Variants in PVT1 observed in about 807,000 individuals in gnomAD.
The protein encoded by PVT1 is Pvt1 oncogene, also known as CXCR4/PVT1 fusion.
chr8:127,975,799 A>C (rs13274301), intron 3 of PVT1, among the ~76,000 whole-genome samples: 23,652 of 152,168 alleles, frequency 0.16, 2,360 homozygotes, highest in African/African-American at 0.27. Context: ...TAGCTTGAAA[A>C]ACGAAGAGAA....
At chr8:127,847,744 T>TAA (rs950574340) in intron 2 of PVT1, among the ~76,000 whole-genome samples, 1 of 150,596 alleles carries the variant, frequency 6.6e-6, no homozygotes, top group Non-Finnish European at 1.5e-5. Flanking sequence ...ATCTTTTCTG[T>TAA]AAAAAAAAAG....
chr8:128,087,881 C>T (rs145015312), intron 5 of PVT1, among the ~76,000 whole-genome samples: 3,156 of 151,058 alleles, frequency 0.021, 108 homozygotes, highest in African/African-American at 0.072. Flanking sequence ...GCCTCAGCTT[C>T]CCGAGTAGCT....
intron 3 of PVT1, among the ~76,000 whole-genome samples, chr8:127,914,260 CAA>C (rs60359946): frequency 4.2e-5 from 2 of 47,864 alleles, no homozygotes; most frequent in Non-Finnish European, 9.1e-5. Flanking sequence ...CCACCAACAG[CAA>C]AAAAAAAAAA....
intron 3 of PVT1, chr8:127,948,622 C>T (rs984558744): frequency 6.6e-6 from 1 of 152,410 alleles, no homozygotes; most frequent in African/African-American, 2.4e-5. Flanking sequence ...TGGCGGGGCT[C>T]CAATATGGTC....
chr8:128,026,361 T>C (rs1445326978), intron 4 of PVT1, among the ~76,000 whole-genome samples: 1 of 151,972 alleles, frequency 6.6e-6, no homozygotes, highest in Non-Finnish European at 1.5e-5. Flanking sequence ...AAAGTGAGAG[T>C]AGGGAGAGAG....
At chr8:127,969,173 CT>C (rs1816735786) in intron 3 of PVT1, among the ~76,000 whole-genome samples, 1 of 152,166 alleles carries the variant, frequency 6.6e-6, no homozygotes, top group Non-Finnish European at 1.5e-5. Flanking sequence ...CTTGCCTCTG[CT>C]GATATGGCTG....
At chr8:127,947,900 T>C (rs752645243) in intron 3 of PVT1, 18 of 456,522 alleles carry the variant, frequency 3.9e-5, no homozygotes. Flanking sequence ...AGACAGACAA[T>C]ATTATTATCC....
At position 128,036,837 on chromosome 8, in the gene PVT1, T is replaced by G. The variant is rs537290226; in HGVS notation, n.913-33323T>G. 5.3e-5 allele frequency among the ~76,000 whole-genome samples: 8 copies of G among 152,284 alleles called. No individual in the cohort carries two copies. In the East Asian group the frequency reaches 7.7e-4, roughly 15 times the overall value. On this transcript the variant is annotated intron_variant and non_coding_transcript_variant, in intron 4 of 10. Transcript: ENST00000651587. ...GTCAAAGCAGCTCCTGGAGGACAGT[T>G]GAGCAAGTGACTGTTAGAGAAACCT...
chr8:127,795,769 A>T (rs1335560638), intron 1 of PVT1: 2 of 155,536 alleles, frequency 1.3e-5, no homozygotes, highest in Non-Finnish European at 2.9e-5. Flanking sequence ...GCATACTGGC[A>T]GCGACAAGTT....
At chr8:127,808,267 C>G (rs112245429) in intron 2 of PVT1, among the ~76,000 whole-genome samples, 3,313 of 152,174 alleles carry the variant, frequency 0.022, 49 homozygotes, top group African/African-American at 0.036. Flanking sequence ...AGGCTGGTCT[C>G]AAACTCCTGA....
chr8:127,800,705 A>G (rs1242134286), intron 2 of PVT1, among the ~76,000 whole-genome samples: 3 of 151,870 alleles, frequency 2.0e-5, no homozygotes, highest in Admixed American at 2.0e-4. Context: ...TTTCCAGGAT[A>G]TATTTGTTGG....
intron 3 of PVT1, among the ~76,000 whole-genome samples, chr8:127,976,745 T>TCATAGATCAGGTCTGA (rs567457775): frequency 2.0e-4 from 31 of 152,176 alleles, no homozygotes; most frequent in African/African-American, 6.5e-4. Flanking sequence ...CTCAGGGAGG[T>TCATAGATCAGGTCTGA]GCTCGTTGCT....
chr8:127,854,374 A>T (rs1425595364), intron 2 of PVT1, among the ~76,000 whole-genome samples: 1 of 152,162 alleles, frequency 6.6e-6, no homozygotes, highest in African/African-American at 2.4e-5. Flanking sequence ...CCGCTGAGTC[A>T]TCGCTCAGCA....
chr8:127,942,384 C>G (rs1474406758), intron 3 of PVT1, among the ~76,000 whole-genome samples: 1 of 152,196 alleles, frequency 6.6e-6, no homozygotes, highest in African/African-American at 2.4e-5. Context: ...CTTGTTGACC[C>G]ATAGCCACCT....
chr8:128,031,204 CGTGGCGG>C (rs1315373345), intron 4 of PVT1, among the ~76,000 whole-genome samples: 2 of 152,292 alleles, frequency 1.3e-5, no homozygotes, highest in African/African-American at 4.8e-5. Flanking sequence ...TCCCGGGCTG[CGTGGCGG>C]GTGGCGGGTG....
chr8:127,906,422 C>T (rs1705772021), intron 3 of PVT1, among the ~76,000 whole-genome samples: 1 of 152,104 alleles, frequency 6.6e-6, no homozygotes, highest in African/African-American at 2.4e-5. Context: ...TCTGACAGCA[C>T]CAGCATTTTA....
chr8:127,999,604 G>A (rs1817151456), intron 4 of PVT1, among the ~76,000 whole-genome samples: 3 of 152,086 alleles, frequency 2.0e-5, no homozygotes, highest in Non-Finnish European at 2.9e-5. Flanking sequence ...TGGGATTACA[G>A]GTGCACACCA....
intron 3 of PVT1, among the ~76,000 whole-genome samples, chr8:127,944,325 C>T (rs1283477734): frequency 6.6e-5 from 10 of 152,156 alleles, no homozygotes; most frequent in Non-Finnish European, 1.3e-4. Flanking sequence ...ATAAAACCTG[C>T]GTGGCTTAGA....
intron 2 of PVT1, among the ~76,000 whole-genome samples, chr8:127,834,740 A>C (rs138961205): frequency 6.6e-5 from 10 of 152,276 alleles, no homozygotes; most frequent in African/African-American, 2.4e-4. Context: ...AAACAAACAA[A>C]CAAACAAAAA....
Sources: gnomAD v4.1 joint callset for allele counts (sites outside exome capture counted in the v4.1 genomes callset) on GRCh38, gnomAD v4.1.1 for gene constraint, MANE v1.5 for transcripts, NCBI Gene and HGNC (gene_info 2026-07-23, HGNC 2026-07-21) for gene names.